The following RASSF4 variants were observed in gnomAD, a reference collection of about 807,000 sequenced individuals.
The protein encoded by RASSF4 is ras association domain-containing protein 4.
RASSF4 carries 38 observed loss-of-function variants against 41.1 expected under a neutral mutation model. The observed-to-expected ratio is 0.92, with a 90% CI of 0.71 to 1.21. RASSF4 has a LOEUF of 1.21. Ranked by LOEUF, RASSF4 falls within the 50% of genes most tolerant of loss-of-function variation. RASSF4 has a pLI of 0.00. For missense variants in RASSF4, 414 were observed against 419.4 expected, an observed-to-expected ratio of 0.99 and a Z score of 0.11; for synonymous variants, 179 against 163.4, an observed-to-expected ratio of 1.10 and a Z score of -0.73.
Position 44,971,938 on chromosome 10 carries a change from T to C in RASSF4, c.138+90T>C, listed in dbSNP as rs113423533. ...TGTTTCAGGGTAATGATGAAGACCA[T>C]CCCCTTCACTCTCAGCAGTGACCTA... On this transcript the variant is annotated intron_variant, in intron 3 of 10. Coordinates refer to ENST00000340258, the MANE Select transcript of RASSF4 (RefSeq NM_032023.4). The C allele has an allele frequency of 2.0e-3, 1,631 of 817,776 alleles. 26 individuals are homozygous for C. The African/African-American group carries it at 0.025, about 13-fold the overall frequency. The allele number at this position is 817,776 out of a possible 1,614,324, so 50.7% of individuals were successfully genotyped here.
rs1030169298 is a variant in RASSF4, at chr10:44,983,877, C to G, written c.282-145C>G. ...TTTCTTTTATTGTTTCAGACTGACT[C>G]TCTTGGTTTGAAATCCAGGCCTCAC... On this transcript the variant is annotated intron_variant, in intron 4 of 10. Transcript: ENST00000340258. 2.5e-5 allele frequency: 35 copies of G among 1,407,388 alleles called. No homozygotes were observed. In the East Asian group the frequency reaches 6.7e-4, roughly 27 times the overall value. The allele number at this position is 1,407,388 out of a possible 1,614,324, so 87.2% of individuals were successfully genotyped here.
At chr10:44,977,419 C>T (rs374040532) in intron 3 of RASSF4, 5 of 1,597,508 alleles carry the variant, frequency 3.1e-6, no homozygotes, top group East Asian at 2.2e-5. Context: ...CCGGGAGGTG[C>T]GAGTAGAGTG....
chr10:44,974,628 C>CCG (rs386371275), intron 3 of RASSF4, among the ~76,000 whole-genome samples: 2 of 151,922 alleles, frequency 1.3e-5, no homozygotes, highest in African/African-American at 2.4e-5. Context: ...AGAGACCCCC[C>CCG]CGTGTTGTCA....
chr10:44,977,627 G>A (rs1040169078), intron 3 of RASSF4: 2 of 1,612,964 alleles, frequency 1.2e-6, no homozygotes, highest in South Asian at 1.1e-5. Flanking sequence ...CTGTCTATGT[G>A]GACCCCAGAG....
chr10:44,977,929 A>G (rs1284601917), intron 3 of RASSF4: 1 of 1,612,590 alleles, frequency 6.2e-7, no homozygotes, highest in Middle Eastern at 1.7e-4. Flanking sequence ...CCAGGCTAGG[A>G]GAGGGTGGGG....
intron 2 of RASSF4, chr10:44,970,499 C>G: frequency 1.8e-6 from 1 of 555,404 alleles, no homozygotes; most frequent in East Asian, 2.9e-5. Flanking sequence ...ATGGCAGGCA[C>G]TTTATACGAA....
At chr10:44,969,034 A>G (rs1251882350) in intron 1 of RASSF4, among the ~76,000 whole-genome samples, 3 of 148,490 alleles carry the variant, frequency 2.0e-5, no homozygotes, top group Non-Finnish European at 3.0e-5. Context: ...GCATGTGTGT[A>G]TGTGTTAAGT....
intron 3 of RASSF4, among the ~76,000 whole-genome samples, chr10:44,975,611 A>T (rs12781090): frequency 0.67 from 84,240 of 124,870 alleles, 28,897 homozygotes; most frequent in Admixed American, 0.76. Context: ...CAGTGGCAAG[A>T]AGGAAGGAGA....
chr10:44,971,992 T>C (rs1013693132), intron 3 of RASSF4, 144 bp downstream of exon 3: 13 of 618,224 alleles, frequency 2.1e-5, no homozygotes, highest in Non-Finnish European at 3.7e-5. Flanking sequence ...ATGGTCACTC[T>C]CATCACTCAC....
At chr10:44,977,944 C>A in intron 3 of RASSF4, 2 of 1,611,712 alleles carry the variant, frequency 1.2e-6, no homozygotes, top group Non-Finnish European at 1.7e-6. Context: ...GTGGGGGCTC[C>A]TGTCCAGGAC....
chr10:44,983,340 G>T lies in RASSF4; in HGVS notation c.281+677G>T, dbSNP rs138296491. 440 of 198,858 alleles carry T rather than the reference G, an allele frequency of 2.2e-3. 3 individuals carry two copies. Among genetic ancestry groups the T allele is most frequent in the African/African-American group, 9.8e-3 (414 of 42,446 alleles). 12.3% of individuals were successfully genotyped at this position (198,858 alleles called of 1,614,324 possible). A position where few individuals can be genotyped will look rare whatever the true frequency, so the allele number is the denominator to read the frequency against. On this transcript the variant is annotated intron_variant, in intron 4 of 10. Transcript: ENST00000340258. ...CCTGACAGCCCCAGCACATACCTAG[G>T]TGTCCCCAGTCACTCAGCGAATTCT...
intron 7 of RASSF4, 138 bp from the exon 8 acceptor site, chr10:44,989,532 C>A: frequency 1.0e-6 from 1 of 973,808 alleles, no homozygotes; most frequent in Non-Finnish European, 1.6e-6. Context: ...GGATTTCAAG[C>A]AAGAGGAGGT....
At position 44,985,556 on chromosome 10, in the gene RASSF4, C is replaced by T. The variant is rs528028433; in HGVS notation, c.531+586C>T. On this transcript the variant is annotated intron_variant, in intron 6 of 10. Coordinates refer to ENST00000340258, the MANE Select transcript of RASSF4 (RefSeq NM_032023.4). ...TGTCTGGGCAAGGCCCTGGATGGAG[C>T]GTCTTGTGACAGGCCATATCTTTCC... Among the ~76,000 whole-genome samples, 83 of 152,334 alleles carry T rather than the reference C, an allele frequency of 5.4e-4. 1 individual carries two copies. The highest frequency in any genetic ancestry group is 5.0e-3 in the South Asian group (24 of 4,824).
intron 3 of RASSF4, chr10:44,980,843 C>G (rs1841679137): frequency 1.3e-5 from 2 of 152,188 alleles, no homozygotes; most frequent in Admixed American, 1.3e-4. Flanking sequence ...AACAGAACCC[C>G]CCATAGACCT....
intron 8 of RASSF4, among the ~76,000 whole-genome samples, chr10:44,990,356 A>G (rs1173703633): frequency 2.0e-5 from 3 of 152,254 alleles, no homozygotes; most frequent in Non-Finnish European, 4.4e-5. Flanking sequence ...CACTTGCATC[A>G]TGCATGCCCT....
rs372703888 is a variant in RASSF4 at position 44,971,783 on chromosome 10, T to C, written c.73T>C (p.Leu25=). Residue 25 remains leucine (L), a synonymous_variant, in exon 3 of 11, where the codon TTA becomes CTA. Coordinates refer to ENST00000340258, the MANE Select transcript of RASSF4 (RefSeq NM_032023.4). ...TCTTTCCCTTTTTAGGTCGGAGCTC[T>C]TAGGCCTGCTGAAAACCTACAACTG... The part of the protein sequence containing the change: ...DSKSIQKSEL[L]GLLKTYNCYH... 3 of 1,613,966 alleles carry C rather than the reference T, an allele frequency of 1.9e-6. No individual in the cohort carries two copies. The highest frequency in any genetic ancestry group is 2.5e-6 in the Non-Finnish European group (3 of 1,179,840).
intron 1 of RASSF4, among the ~76,000 whole-genome samples, chr10:44,965,738 T>A (rs1840878463): frequency 6.6e-6 from 1 of 152,158 alleles, no homozygotes; most frequent in African/African-American, 2.4e-5. Flanking sequence ...CCTGGGATGG[T>A]GTGCCCCGTT....
At chr10:44,969,903 G>C (rs1564452808) in intron 1 of RASSF4, among the ~76,000 whole-genome samples, 1 of 152,210 alleles carries the variant, frequency 6.6e-6, no homozygotes, top group Admixed American at 6.5e-5. Flanking sequence ...CTGGATTCCT[G>C]GGGATTATGG....
chr10:44,977,988 T>C, intron 3 of RASSF4: 3 of 1,611,798 alleles, frequency 1.9e-6, no homozygotes, highest in Middle Eastern at 1.7e-4. Context: ...GTCTCCCGAA[T>C]TGTGGGCAGA....
Sources: gnomAD v4.1 joint callset for allele counts (sites outside exome capture counted in the v4.1 genomes callset) on GRCh38, gnomAD v4.1.1 for gene constraint, MANE v1.5 for transcripts, NCBI Gene and HGNC (gene_info 2026-07-23, HGNC 2026-07-21) for gene names.